Variants in DEPDC5 observed in about 807,000 individuals in gnomAD.
DEPDC5 encodes DEP domain containing 5, GATOR1 subcomplex subunit, also known as GATOR1 complex protein DEPDC5.
Under a neutral mutation model 217.3 loss-of-function variants are expected in DEPDC5, and 73 were observed. The observed-to-expected ratio is 0.34, with a 90% CI of 0.28 to 0.41. DEPDC5 has a LOEUF of 0.41. DEPDC5 is among the 10% of genes least tolerant of loss of function. DEPDC5 has a pLI of 1.00. For missense variants in DEPDC5, 1,675 were observed against 2,070.1 expected (o/e 0.81, Z 3.70); for synonymous variants, 733 against 756.7 (o/e 0.97, Z 0.51).
chr22:31,828,134 T>C (rs1602218302), intron 24 of DEPDC5, among the ~76,000 whole-genome samples: 2 of 152,202 alleles, frequency 1.3e-5, no homozygotes, highest in East Asian at 1.9e-4. Flanking sequence ...GTTTTGCTCA[T>C]GACTGTATTC....
chr22:31,868,106 C>G (rs1461787711), intron 33 of DEPDC5, among the ~76,000 whole-genome samples: 4 of 152,074 alleles, frequency 2.6e-5, no homozygotes, highest in Non-Finnish European at 1.5e-5. Context: ...GTTTATGGTG[C>G]CAGCAAAACC....
chr22:31,875,609 A>C (rs947358196), intron 36 of DEPDC5: 3 of 151,046 alleles, frequency 2.0e-5, no homozygotes, highest in African/African-American at 7.3e-5. Flanking sequence ...TGAAAGTAGA[A>C]TAGTGGCATA....
At chr22:31,837,528 G>A (rs1290598877) in intron 26 of DEPDC5, among the ~76,000 whole-genome samples, 3 of 151,542 alleles carry the variant, frequency 2.0e-5, no homozygotes, top group East Asian at 3.9e-4. Flanking sequence ...TAATTTTTGT[G>A]TATTTTATAA....
intron 12 of DEPDC5, among the ~76,000 whole-genome samples, chr22:31,793,310 A>T (rs1025504703): frequency 1.3e-5 from 2 of 152,082 alleles, no homozygotes; most frequent in Non-Finnish European, 2.9e-5. Flanking sequence ...CGTCTCCAAG[A>T]TATCATGTTG....
intron 20 of DEPDC5, among the ~76,000 whole-genome samples, chr22:31,812,857 CA>C (rs2088592124): frequency 6.6e-6 from 1 of 151,506 alleles, no homozygotes; most frequent in African/African-American, 2.4e-5. Flanking sequence ...TCTTGTGCCT[CA>C]GCCTCCCGAG....
intron 6 of DEPDC5, among the ~76,000 whole-genome samples, chr22:31,767,063 T>C (rs1460275585): frequency 1.3e-5 from 2 of 152,134 alleles, no homozygotes; most frequent in Non-Finnish European, 1.5e-5. Flanking sequence ...AGTTGACTCT[T>C]GGCCAAAACC....
intron 38 of DEPDC5, among the ~76,000 whole-genome samples, chr22:31,884,090 C>T (rs2093247888): frequency 6.6e-6 from 1 of 152,174 alleles, no homozygotes; most frequent in African/African-American, 2.4e-5. Context: ...CAGCTTTGAG[C>T]CCCGCTCCCC....
In DEPDC5 at chr22:31,879,649, C is replaced by G. The variant is rs1482020611; in HGVS notation, c.3930C>G (p.Ala1310=). The change falls in exon 38 of 43, where the codon GCC becomes GCG. Residue 1310 remains alanine, a synonymous_variant. Transcript: ENST00000651528. ...AEELVHSEIP[A]FLLPWLPSRP... ...AGCTCGTGCACTCTGAGATTCCTGC[C>G]TTTCTCCTGCCCTGGCTGCCTAGCC... is the stretch of plus-strand genomic sequence containing the variant. 6.2e-7 allele frequency: 1 copy of G among 1,614,162 alleles called. No homozygotes were observed. Among genetic ancestry groups the G allele is most frequent in the East Asian group, 2.2e-5 (1 of 44,872 alleles).
At chr22:31,809,703 G>A in intron 19 of DEPDC5, 56 bp downstream of exon 19, 1 of 1,590,932 alleles carries the variant, frequency 6.3e-7, no homozygotes, top group Non-Finnish European at 8.6e-7. Context: ...CAGCTGGCTG[G>A]GTGCAGTGGC....
At chr22:31,847,116 C>T (rs28374570) in intron 31 of DEPDC5, 149 bp downstream of exon 31, 2 of 1,138,260 alleles carry the variant, frequency 1.8e-6, no homozygotes, top group South Asian at 3.1e-5. Context: ...AGGCTAATAC[C>T]TGGTAGGTGT....
At chr22:31,851,432 C>G (rs943561194) in intron 31 of DEPDC5, among the ~76,000 whole-genome samples, 1 of 152,178 alleles carries the variant, frequency 6.6e-6, no homozygotes, top group Non-Finnish European at 1.5e-5. Flanking sequence ...GGGCTGCCTT[C>G]CCTGCCCCTC....
intron 14 of DEPDC5, among the ~76,000 whole-genome samples, chr22:31,800,174 T>C (rs1466168893): frequency 6.6e-6 from 1 of 152,150 alleles, no homozygotes; most frequent in African/African-American, 2.4e-5. Context: ...CCTGGGTCTA[T>C]TAAGTCCTGA....
At chr22:31,845,318 A>T in intron 30 of DEPDC5, 81 bp downstream of exon 30, 1 of 1,504,928 alleles carries the variant, frequency 6.6e-7, no homozygotes, top group Non-Finnish European at 9.0e-7. Flanking sequence ...GCCTCTCATC[A>T]TCAGCCTACT....
rs752667037 is a variant in DEPDC5, at chr22:31,870,626, G to A, written c.3367G>A (p.Gly1123Ser). The change falls in exon 34 of 43, where the codon GGC becomes AGC. Residue 1123 changes from glycine (G) to serine (S), a missense_variant. Around this residue, in one of 11 missense-constraint regions of DEPDC5, gnomAD observed 126 missense variants for 113.8 expected, o/e 1.11. Transcript: ENST00000651528. ...VDQTATPMLD[G>S]TSLGICTGQS... ...CCAAACAGCCACTCCTATGTTGGAC[G>A]GCACCAGTTTGGGCATATGCACAGG... 8.8e-6 allele frequency: 14 copies of A among 1,584,650 alleles called. No individual in the cohort carries two copies. Among genetic ancestry groups the A allele is most frequent in the Middle Eastern group, 1.7e-4 (1 of 5,962 alleles).
At chr22:31,876,469 G>A (rs141338258) in intron 37 of DEPDC5, among the ~76,000 whole-genome samples, 186 of 152,316 alleles carry the variant, frequency 1.2e-3, no homozygotes, top group African/African-American at 4.3e-3. Context: ...TGTTCTTGGT[G>A]AGAACAGTGT....
At chr22:31,838,540 C>A in intron 26 of DEPDC5, 145 bp from the exon 27 acceptor site, 1 of 1,079,470 alleles carries the variant, frequency 9.3e-7, no homozygotes, top group Non-Finnish European at 1.3e-6. Context: ...CATGAGCCAC[C>A]ATGCCCAGCT....
At chr22:31,856,479 C>T (rs917704759) in intron 31 of DEPDC5, among the ~76,000 whole-genome samples, 1 of 152,020 alleles carries the variant, frequency 6.6e-6, no homozygotes, top group Non-Finnish European at 1.5e-5. Context: ...AACAATAAAA[C>T]AGTGATATAT....
At chr22:31,805,109 A>T (rs1380721731) in intron 17 of DEPDC5, 194 bp downstream of exon 17, 2 of 443,240 alleles carry the variant, frequency 4.5e-6, no homozygotes, top group Non-Finnish European at 4.0e-6. Flanking sequence ...GTCTATGGTG[A>T]AAAAGAATAA....
intron 38 of DEPDC5, among the ~76,000 whole-genome samples, chr22:31,884,287 A>AT (rs796466535): frequency 4.6e-5 from 7 of 152,236 alleles, no homozygotes; most frequent in African/African-American, 1.7e-4. Flanking sequence ...TTTGGCAGTC[A>AT]TCCCCCTCCC....
Sources: allele counts gnomAD v4.1 joint callset (sites outside exome capture counted in the v4.1 genomes callset), GRCh38; gene constraint gnomAD v4.1.1; regional missense constraint gnomAD v4.1.1; transcripts MANE v1.5; gene names NCBI Gene and HGNC (gene_info 2026-07-23, HGNC 2026-07-21).